The following HEMK2 variants were observed in gnomAD, a reference collection of about 807,000 sequenced individuals.
HEMK2 encodes methyltransferase HEMK2.
the HEMK2 span, among the ~76,000 whole-genome samples, chr21:28,838,972 A>AATATATATATATATATATATATAT: frequency 3.1e-4 from 9 of 29,140 alleles, no homozygotes; most frequent in Non-Finnish European, 3.9e-4. Context: ...AAAAAAAAAA[A>AATATATATATATATATATATATAT]ATATATATAT....
At chr21:28,831,514 AGAAAGAAAGAAGGAAAGAAG>A in the HEMK2 span, among the ~76,000 whole-genome samples, 2 of 94,778 alleles carry the variant, frequency 2.1e-5, no homozygotes, top group African/African-American at 1.0e-4. Context: ...AAAGAAAGAA[AGAAAGAAAGAAGGAAAGAAG>A]GAAAGAAGGA....
chr21:28,853,338 G>C, the HEMK2 span, among the ~76,000 whole-genome samples: 5 of 152,098 alleles, frequency 3.3e-5, no homozygotes, highest in African/African-American at 1.2e-4. Flanking sequence ...AACTCCCCAA[G>C]CTACAACATT....
chr21:28,846,717 A>G, the HEMK2 span, among the ~76,000 whole-genome samples: 1 of 152,084 alleles, frequency 6.6e-6, no homozygotes, highest in Non-Finnish European at 1.5e-5. Context: ...AGTTTGGTAT[A>G]CAGATTATTT....
the HEMK2 span, among the ~76,000 whole-genome samples, chr21:28,733,688 C>T: frequency 6.6e-6 from 1 of 151,934 alleles, no homozygotes; most frequent in Non-Finnish European, 1.5e-5. Context: ...CCCCATGTAA[C>T]CTTTTGGTAG....
the HEMK2 span, among the ~76,000 whole-genome samples, chr21:28,732,482 A>AT: frequency 6.6e-6 from 1 of 152,232 alleles, no homozygotes; most frequent in Non-Finnish European, 1.5e-5. Flanking sequence ...GATGGACTGC[A>AT]TATGTGAAGG....
chr21:28,746,753 G>T, the HEMK2 span, among the ~76,000 whole-genome samples: 1 of 151,974 alleles, frequency 6.6e-6, no homozygotes, highest in East Asian at 1.9e-4. Flanking sequence ...ACTTTGAGAA[G>T]GGAAGCATTT....
At chr21:28,751,951 T>C in the HEMK2 span, among the ~76,000 whole-genome samples, 4 of 151,786 alleles carry the variant, frequency 2.6e-5, no homozygotes, top group Non-Finnish European at 5.9e-5. Context: ...CCACCATGCC[T>C]GGCCAAGATT....
the HEMK2 span, among the ~76,000 whole-genome samples, chr21:28,673,203 G>C: frequency 2.0e-5 from 3 of 151,888 alleles, no homozygotes; most frequent in African/African-American, 7.2e-5. Context: ...AAGAAAAACA[G>C]AAAGAAGAAA....
At chr21:28,630,078 C>T in the HEMK2 span, among the ~76,000 whole-genome samples, 9 of 152,166 alleles carry the variant, frequency 5.9e-5, no homozygotes, top group South Asian at 1.7e-3. Flanking sequence ...ATGTATTTTC[C>T]ACTACATCTT....
the HEMK2 span, among the ~76,000 whole-genome samples, chr21:28,665,387 A>ATTT: frequency 1.4e-4 from 2 of 14,412 alleles, no homozygotes; most frequent in African/African-American, 3.8e-4. Context: ...TTTTTTTTTA[A>ATTT]TTTTTTTTTT....
chr21:28,828,215 G>C, the HEMK2 span, among the ~76,000 whole-genome samples: 1 of 152,176 alleles, frequency 6.6e-6, no homozygotes, highest in Non-Finnish European at 1.5e-5. Flanking sequence ...AACAGGATTT[G>C]TGTGCAGATG....
the HEMK2 span, among the ~76,000 whole-genome samples, chr21:28,729,439 G>A: frequency 1.3e-5 from 2 of 152,108 alleles, no homozygotes; most frequent in Non-Finnish European, 2.9e-5. Flanking sequence ...CCTAGAAAGA[G>A]CGTGGGCATT....
At chr21:28,643,716 A>C in the HEMK2 span, among the ~76,000 whole-genome samples, 1 of 152,138 alleles carries the variant, frequency 6.6e-6, no homozygotes, top group Non-Finnish European at 1.5e-5. Flanking sequence ...TTGACCTTAG[A>C]CTTCCCAGCC....
the HEMK2 span, among the ~76,000 whole-genome samples, chr21:28,746,845 C>A: frequency 6.6e-6 from 1 of 152,084 alleles, no homozygotes; most frequent in African/African-American, 2.4e-5. Flanking sequence ...GGGCTGAGAG[C>A]CAAACACAGC....
At chr21:28,832,324 A>T in the HEMK2 span, among the ~76,000 whole-genome samples, 1 of 152,178 alleles carries the variant, frequency 6.6e-6, no homozygotes, top group East Asian at 1.9e-4. Context: ...TTGAGAGAGG[A>T]AATAACAATC....
the HEMK2 span, among the ~76,000 whole-genome samples, chr21:28,877,156 GAA>G: frequency 8.9e-6 from 1 of 112,610 alleles, no homozygotes; most frequent in Non-Finnish European, 1.8e-5. Context: ...GAGAGAGAAA[GAA>G]AGAGAAAGAA....
the HEMK2 span, among the ~76,000 whole-genome samples, chr21:28,771,016 C>T: frequency 6.6e-6 from 1 of 152,138 alleles, no homozygotes; most frequent in Non-Finnish European, 1.5e-5. Flanking sequence ...AACACACACA[C>T]ACACGCGCAA....
the HEMK2 span, among the ~76,000 whole-genome samples, chr21:28,707,476 G>A: frequency 7.2e-5 from 11 of 151,810 alleles, no homozygotes; most frequent in Middle Eastern, 6.9e-3. Flanking sequence ...GGCTGGTCTC[G>A]AACTCCTTGC....
At chr21:28,631,016 G>A in the HEMK2 span, among the ~76,000 whole-genome samples, 1 of 152,202 alleles carries the variant, frequency 6.6e-6, no homozygotes, top group Non-Finnish European at 1.5e-5. Context: ...GAAACAGGAA[G>A]TCACTAGAGA....
Sources: gnomAD v4.1 joint callset for allele counts (sites outside exome capture counted in the v4.1 genomes callset) on GRCh38, gnomAD v4.1.1 for gene constraint, MANE v1.5 for transcripts, NCBI Gene and HGNC (gene_info 2026-07-23, HGNC 2026-07-21) for gene names.